Variants in SEM1 observed in about 807,000 individuals in gnomAD.
SEM1 encodes 26S proteasome complex subunit SEM1.
SEM1 carries 3 observed loss-of-function variants against 12.7 expected under a neutral mutation model. The ratio of observed to expected loss-of-function variants is 0.24; its 90% CI spans 0.11 to 0.61. SEM1 has a LOEUF of 0.61. Among genes scored for constraint, SEM1 ranks in the 20% least tolerant of loss-of-function variants. SEM1 has a pLI of 0.88. For synonymous variants in SEM1, 30 were observed against 27.8 expected (o/e 1.08, Z -0.25); for missense variants, 59 against 81.3 (o/e 0.73, Z 1.06).
At chr7:96,562,185 C>T (rs1805708147) in intron 2 of SEM1, among the ~76,000 whole-genome samples, 1 of 152,066 alleles carries the variant, frequency 6.6e-6, no homozygotes, top group Non-Finnish European at 1.5e-5. Flanking sequence ...AAAATACATA[C>T]AGTGTACATT....
chr7:96,636,845 T>G (rs1210906625), intron 2 of SEM1, among the ~76,000 whole-genome samples: 1 of 152,010 alleles, frequency 6.6e-6, no homozygotes, highest in Non-Finnish European at 1.5e-5. Flanking sequence ...GTTTTGGAGA[T>G]TCACTGGATT....
At chr7:96,606,388 C>T (rs2116216659) in intron 2 of SEM1, among the ~76,000 whole-genome samples, 1 of 152,256 alleles carries the variant, frequency 6.6e-6, no homozygotes, top group South Asian at 2.1e-4. Context: ...GGCATTGGGT[C>T]TGTCTTATTC....
intron 2 of SEM1, among the ~76,000 whole-genome samples, chr7:96,550,319 A>C (rs920789104): frequency 3.3e-5 from 5 of 152,220 alleles, no homozygotes; most frequent in African/African-American, 1.2e-4. Context: ...AACATACCTG[A>C]GTGACTTTAG....
chr7:96,539,024 T>C (rs1804872307), intron 2 of SEM1, among the ~76,000 whole-genome samples: 1 of 151,872 alleles, frequency 6.6e-6, no homozygotes. Context: ...GTTTCCTTCA[T>C]GTTAGCAGAC....
chr7:96,549,859 T>G (rs1266602876), intron 2 of SEM1, among the ~76,000 whole-genome samples: 1 of 152,150 alleles, frequency 6.6e-6, no homozygotes, highest in East Asian at 1.9e-4. Context: ...TAAAGTGCTT[T>G]AGTTTGATGA....
At chr7:96,501,919 A>G (rs1488168696) in intron 3 of SEM1, among the ~76,000 whole-genome samples, 2 of 151,974 alleles carry the variant, frequency 1.3e-5, no homozygotes, top group African/African-American at 4.8e-5. Context: ...GTTATAACCC[A>G]TCTTTATATC....
chr7:96,484,451 A>G (rs1178807609), intron 3 of SEM1, among the ~76,000 whole-genome samples: 2 of 152,214 alleles, frequency 1.3e-5, no homozygotes, highest in East Asian at 1.9e-4. Flanking sequence ...GCCAGAAACC[A>G]TAAGGTAAAA....
rs1808570105 is a variant in SEM1, at chr7:96,640,902, T to C, written c.171-18259A>G. Reference sequence around the variant, plus strand: ...GTTAACCTAACACTGCTCTAAAAAATATGGTTTCTTTACAAAAAACTTAGA... The same window carrying C: ...GTTAACCTAACACTGCTCTAAAAAACATGGTTTCTTTACAAAAAACTTAGA... On this transcript the variant is annotated intron_variant, in intron 2 of 2. Coordinates refer to the SEM1 transcript ENST00000417009. This position sits in a 1 kb window ranked among gnomAD's most constrained non-coding sequence, Gnocchi z 4.0. 6.6e-6 allele frequency among the ~76,000 whole-genome samples: 1 copy of C among 151,930 alleles called. No individual in the cohort carries two copies. The highest frequency in any genetic ancestry group is 2.4e-5 in the African/African-American group (1 of 41,376).
At chr7:96,588,818 A>G (rs866771390) in intron 2 of SEM1, among the ~76,000 whole-genome samples, 1 of 152,198 alleles carries the variant, frequency 6.6e-6, no homozygotes. Context: ...ATTCCAATTC[A>G]TACATAGAAT....
chr7:96,623,525 C>A (rs1807960985), intron 2 of SEM1, among the ~76,000 whole-genome samples: 1 of 145,446 alleles, frequency 6.9e-6, no homozygotes, highest in Non-Finnish European at 1.5e-5. Context: ...TAAATATATT[C>A]ATATATACTT....
Position 96,580,855 on chromosome 7 carries a change from G to C in SEM1, c.171-74157C>G, listed in dbSNP as rs181945786. Among the ~76,000 whole-genome samples, 632 of 152,280 alleles carry C rather than the reference G, an allele frequency of 4.2e-3. 6 individuals carry two copies. Among genetic ancestry groups the C allele is most frequent in the African/African-American group, 0.015 (609 of 41,544 alleles). On this transcript the variant is annotated intron_variant and NMD_transcript_variant, in intron 2 of 3. Transcript: ENST00000466986. ...CATAAATTTGTTTGAGTTCATTGTAGATTCTGGATATTAGCCCTTTGTCAG... is the reference window on the plus strand; with the variant it reads ...CATAAATTTGTTTGAGTTCATTGTACATTCTGGATATTAGCCCTTTGTCAG...
chr7:96,544,368 C>T (rs1438827100), intron 2 of SEM1, among the ~76,000 whole-genome samples: 1 of 151,864 alleles, frequency 6.6e-6, no homozygotes, highest in Non-Finnish European at 1.5e-5. Context: ...ATCTACCCTG[C>T]TTTTTTAAAT....
At chr7:96,626,540 C>A (rs567260903) in intron 2 of SEM1, among the ~76,000 whole-genome samples, 44 of 152,112 alleles carry the variant, frequency 2.9e-4, no homozygotes, top group Middle Eastern at 3.4e-3. Flanking sequence ...TTGAAATGAT[C>A]ATATGGGTTT....
intron 2 of SEM1, among the ~76,000 whole-genome samples, chr7:96,590,973 T>C (rs900801332): frequency 6.6e-6 from 1 of 152,166 alleles, no homozygotes; most frequent in Admixed American, 6.5e-5. Flanking sequence ...TGAAACTATC[T>C]AAAGTAAACG....
chr7:96,486,165 CT>C (rs61271460), intron 2 of SEM1: 116,958 of 919,636 alleles, frequency 0.13, 130 homozygotes, highest in East Asian at 0.22. Context: ...TTTTTTCTAC[CT>C]TTTTTTTTTT....
intron 2 of SEM1, among the ~76,000 whole-genome samples, chr7:96,544,303 A>G (rs1050971930): frequency 1.3e-5 from 2 of 152,068 alleles, no homozygotes; most frequent in Admixed American, 6.6e-5. Flanking sequence ...ATTATGACAC[A>G]TCAGTTGTAG....
At chr7:96,583,624 A>G (rs1311859348) in intron 2 of SEM1, among the ~76,000 whole-genome samples, 2 of 149,786 alleles carry the variant, frequency 1.3e-5, no homozygotes, top group East Asian at 4.0e-4. Context: ...TTTGTAGGTC[A>G]CTCAGGACTT....
intron 2 of SEM1, among the ~76,000 whole-genome samples, chr7:96,675,693 C>T (rs1305821733): frequency 1.3e-5 from 2 of 152,130 alleles, no homozygotes; most frequent in East Asian, 1.9e-4. Flanking sequence ...CTGCTCCTTC[C>T]TCCACCAGCT....
intron 2 of SEM1, among the ~76,000 whole-genome samples, chr7:96,585,199 C>T (rs1806571811): frequency 6.6e-6 from 1 of 152,198 alleles, no homozygotes; most frequent in East Asian, 1.9e-4. Flanking sequence ...ACAGGACCCT[C>T]AGCTGCAGGT....
Sources: allele counts gnomAD v4.1 joint callset (sites outside exome capture counted in the v4.1 genomes callset), GRCh38; gene constraint gnomAD v4.1.1; non-coding constraint Gnocchi (gnomAD v3.1); transcripts MANE v1.5; gene names NCBI Gene and HGNC (gene_info 2026-07-23, HGNC 2026-07-21).